SNRPN: variants seen among roughly 807,000 people sequenced by gnomAD.
SNRPN encodes small nuclear ribonucleoprotein-associated protein N.
Under a neutral mutation model 25.2 loss-of-function variants are expected in SNRPN, and 7 were observed. That is an observed-to-expected ratio of 0.28 (90% CI 0.16 to 0.52). The LOEUF (loss-of-function observed/expected upper bound fraction) is 0.52. Ranked by LOEUF, SNRPN falls within the 20% of genes least tolerant of loss-of-function variation. SNRPN has a pLI of 0.96. For synonymous variants in SNRPN, 124 were observed against 110.6 expected (o/e 1.12, Z -0.76); for missense variants, 196 against 322.5 (o/e 0.61, Z 3.00).
chr15:24,894,490 A>G (rs2057938529), intron 2 of SNRPN, among the ~76,000 whole-genome samples: 1 of 152,168 alleles, frequency 6.6e-6, no homozygotes, highest in Non-Finnish European at 1.5e-5. Flanking sequence ...AAGTGCTGGG[A>G]TTACAGGCGT....
At chr15:24,912,998 G>A (rs769320587) in intron 2 of SNRPN, among the ~76,000 whole-genome samples, 1 of 152,090 alleles carries the variant, frequency 6.6e-6, no homozygotes, top group Non-Finnish European at 1.5e-5. Flanking sequence ...GGAGTACAGT[G>A]GTGTGATCTC....
intron 2 of SNRPN, among the ~76,000 whole-genome samples, chr15:24,844,870 T>C (rs984584178): frequency 6.6e-6 from 1 of 152,180 alleles, no homozygotes; most frequent in Non-Finnish European, 1.5e-5. Context: ...TTCCCTACCA[T>C]TATATATTGC....
Position 24,862,531 on chromosome 15 carries a change from A to G in SNRPN, c.-579+5815A>G, listed in dbSNP as rs987911022. Among the ~76,000 whole-genome samples the G allele has an allele frequency of 2.2e-4, 33 of 151,190 alleles. 6 individuals are homozygous for G. Among genetic ancestry groups the G allele is most frequent in the African/African-American group, 8.1e-4 (33 of 40,544 alleles). Reference sequence around the variant, plus strand: ...TTTGGGGAAGGAGAGTCACTGATTCATTAGTGAAACACAACAAAAAAACAA... The same window carrying G: ...TTTGGGGAAGGAGAGTCACTGATTCGTTAGTGAAACACAACAAAAAAACAA... On this transcript the variant is annotated intron_variant, in intron 1 of 11. Coordinates refer to the SNRPN transcript ENST00000400097.
chr15:24,913,829 T>G (rs1169263502), intron 2 of SNRPN, among the ~76,000 whole-genome samples: 1 of 152,148 alleles, frequency 6.6e-6, no homozygotes, highest in Non-Finnish European at 1.5e-5. Flanking sequence ...AGAGAATGAA[T>G]AGTTATCAAA....
chr15:24,897,249 C>T (rs1356721485), intron 2 of SNRPN, among the ~76,000 whole-genome samples: 1 of 152,148 alleles, frequency 6.6e-6, no homozygotes, highest in Non-Finnish European at 1.5e-5. Flanking sequence ...TAACCTGTGC[C>T]CACTGACCCA....
At chr15:24,824,800 C>G (rs2049963331) in intron 1 of SNRPN, among the ~76,000 whole-genome samples, 1 of 104,854 alleles carries the variant, frequency 9.5e-6, no homozygotes, top group Non-Finnish European at 2.1e-5. Flanking sequence ...TAGGATTCCT[C>G]ACCCTAGGTT....
At chr15:24,905,589 TTCA>T (rs1415591310) in intron 2 of SNRPN, among the ~76,000 whole-genome samples, 1 of 152,220 alleles carries the variant, frequency 6.6e-6, no homozygotes, top group Non-Finnish European at 1.5e-5. Flanking sequence ...TTGCGTTTTG[TTCA>T]TTAAGAATCA....
Position 24,830,204 on chromosome 15 carries a change from T to C in SNRPN, c.-579+299T>C, listed in dbSNP as rs561429481. 3.3e-5 allele frequency among the ~76,000 whole-genome samples: 5 copies of C among 152,198 alleles called. 1 individual carries two copies. Among genetic ancestry groups the C allele is most frequent in the African/African-American group, 1.2e-4 (5 of 41,472 alleles). On this transcript the variant is annotated intron_variant, in intron 2 of 12. Coordinates refer to the SNRPN transcript ENST00000400100. ...TTTTTGGTGGATTATTCATGGTTAA[T>C]GCATTTCCTGACTTGGTAGCCAAAT...
At position 24,909,508 on chromosome 15, in the gene SNRPN, C is replaced by T. The variant is rs149034154; in HGVS notation, c.-504-10503C>T. 962 of 1,519,984 alleles carry T rather than the reference C, an allele frequency of 6.3e-4. 5 individuals carry two copies. The African/African-American group carries it at 0.012, about 19-fold the overall frequency. 94.2% of individuals were successfully genotyped at this position (1,519,984 alleles called of 1,614,324 possible). On this transcript the variant is annotated intron_variant, in intron 2 of 11. Transcript: ENST00000400097. ...CAAACCTACTGAGAAGCCTGCGGGC[C>T]AGCGGCAGGCCAGTACAATATGCTG...
chr15:24,858,403 G>A (rs911960255), intron 1 of SNRPN, among the ~76,000 whole-genome samples: 1 of 152,024 alleles, frequency 6.6e-6, no homozygotes, highest in African/African-American at 2.4e-5. Context: ...TGCAAAGATG[G>A]TTTCAAATTG....
chr15:24,909,989 C>A (rs2059108732), intron 2 of SNRPN, among the ~76,000 whole-genome samples: 1 of 152,114 alleles, frequency 6.6e-6, no homozygotes, highest in Non-Finnish European at 1.5e-5. Context: ...GCTAAGAAAG[C>A]CCATTTTAAT....
chr15:24,876,078 A>G (rs76724917), intron 1 of SNRPN, among the ~76,000 whole-genome samples: 5,939 of 151,880 alleles, frequency 0.039, 191 homozygotes, highest in Non-Finnish European at 0.055. Context: ...AAAAACAAAA[A>G]AAATAAAAAT....
chr15:24,836,932 C>T (rs1190629110), intron 2 of SNRPN, among the ~76,000 whole-genome samples: 1 of 152,078 alleles, frequency 6.6e-6, no homozygotes, highest in East Asian at 1.9e-4. Flanking sequence ...TCCCTTCGGG[C>T]ATAGGGCAGA....
intron 1 of SNRPN, among the ~76,000 whole-genome samples, chr15:24,858,262 G>A (rs1346485526): frequency 6.6e-6 from 1 of 152,138 alleles, no homozygotes; most frequent in Non-Finnish European, 1.5e-5. Context: ...TCATTTAAAA[G>A]CTAAACTATA....
At position 24,918,472 on chromosome 15, in the gene SNRPN, A is replaced by ATATATATAACATAATATATATGTGTG. The variant is rs1566908922; in HGVS notation, c.-504-1517_-504-1492dup. 7.1e-3 allele frequency among the ~76,000 whole-genome samples: 661 copies of ATATATATAACATAATATATATGTGTG among 93,458 alleles called. 19 individuals carry two copies. The highest frequency in any genetic ancestry group is 0.012 in the Admixed American group (86 of 7,322). 61.3% of individuals were successfully genotyped at this position (93,458 alleles called of 152,430 possible). A position where few individuals can be genotyped will look rare whatever the true frequency, so the allele number is the denominator to read the frequency against. ...TATATATAACATAATATATATGTGT[A>ATATATATAACATAATATATATGTGTG]TATATATAACATAATATATATGTGT... On this transcript the variant is annotated intron_variant, in intron 2 of 11. Transcript: ENST00000400097.
chr15:24,854,670 A>C (rs1419549290), upstream of SNRPN, among the ~76,000 whole-genome samples: 1 of 152,204 alleles, frequency 6.6e-6, no homozygotes, highest in African/African-American at 2.4e-5. Flanking sequence ...TGTTATTTCT[A>C]GTTCATTCTT....
intron 1 of SNRPN, among the ~76,000 whole-genome samples, chr15:24,873,669 G>C (rs555380846): frequency 3.9e-4 from 59 of 152,064 alleles, no homozygotes; most frequent in South Asian, 2.9e-3. Context: ...GGATGGTCTC[G>C]ATCTCCTGAC....
At chr15:24,953,507 A>G (rs993723678), upstream of SNRPN, among the ~76,000 whole-genome samples, 1 of 152,076 alleles carries the variant, frequency 6.6e-6, no homozygotes, top group Non-Finnish European at 1.5e-5. Context: ...TGTTTTTTGT[A>G]GAGATGGGTT....
intron 3 of SNRPN, among the ~76,000 whole-genome samples, chr15:24,940,270 G>A (rs1426772810): frequency 6.6e-6 from 1 of 152,124 alleles, no homozygotes; most frequent in Admixed American, 6.6e-5. Flanking sequence ...TTTTGGTGTT[G>A]TAGTCAAGAA....
Sources: allele counts gnomAD v4.1 joint callset (sites outside exome capture counted in the v4.1 genomes callset), GRCh38; gene constraint gnomAD v4.1.1; transcripts MANE v1.5; gene names NCBI Gene and HGNC (gene_info 2026-07-23, HGNC 2026-07-21).